PIK3R4: variants seen among roughly 807,000 people sequenced by gnomAD.
The protein encoded by PIK3R4 is phosphoinositide 3-kinase regulatory subunit 4.
A neutral mutation model predicts 136.5 loss-of-function variants in PIK3R4; 46 were observed. The ratio of observed to expected loss-of-function variants is 0.34; its 90% CI spans 0.27 to 0.43. The LOEUF (loss-of-function observed/expected upper bound fraction) is 0.43. Ranked by LOEUF, PIK3R4 falls within the 20% of genes least tolerant of loss-of-function variation. PIK3R4 has a pLI of 1.00. For synonymous variants in PIK3R4, 557 were observed against 566.7 expected (o/e 0.98, Z 0.24); for missense variants, 1,331 against 1,649.5 (o/e 0.81, Z 3.35).
At chr3:130,717,853 A>C (rs1406981762) in intron 8 of PIK3R4, among the ~76,000 whole-genome samples, 1 of 152,224 alleles carries the variant, frequency 6.6e-6, no homozygotes, top group Non-Finnish European at 1.5e-5. Flanking sequence ...TAAACACTGA[A>C]AATCTAGGTG....
chr3:130,716,131 C>T (rs918728867), intron 9 of PIK3R4, among the ~76,000 whole-genome samples: 2 of 152,138 alleles, frequency 1.3e-5, no homozygotes, highest in Non-Finnish European at 2.9e-5. Flanking sequence ...CTGTCTTTCC[C>T]TCATTTATTT....
At position 130,712,126 on chromosome 3, in the gene PIK3R4, C is replaced by T. The variant is rs77345776; in HGVS notation, c.2332-3634G>A. Among the ~76,000 whole-genome samples, 1,284 of 152,218 alleles carry T rather than the reference C, an allele frequency of 8.4e-3. 20 individuals are homozygous for T. Among genetic ancestry groups the T allele is most frequent in the East Asian group, 0.053 (272 of 5,176 alleles). On this transcript the variant is annotated intron_variant, in intron 9 of 19. Transcript: ENST00000356763. The stretch of plus-strand genomic sequence containing the variant: ...AAATCTGGAGTACAGATTCCAACTC[C>T]CATATGGGTAACGTTCCAAAAGTGT...
rs777858040 is a variant in PIK3R4, at chr3:130,684,255, A to G, written c.3602T>C (p.Ile1201Thr). The change falls in exon 16 of 20, where the codon ATT becomes ACT. Residue 1201 changes from isoleucine to threonine, a missense_variant. Coordinates refer to ENST00000356763, the MANE Select transcript of PIK3R4 (RefSeq NM_014602.3). Reference protein sequence around the residue: ...SMHPLYQSWVIAAVQGNNEVS... With the variant: ...SMHPLYQSWVTAAVQGNNEVS... ...AAGCCAGCCCTCCATCTTACCTGCAATCACCCAGGACTGATACAGAGGGTG... is the reference window on the plus strand; with the variant it reads ...AAGCCAGCCCTCCATCTTACCTGCAGTCACCCAGGACTGATACAGAGGGTG... 72 of 1,611,188 alleles carry G rather than the reference A, an allele frequency of 4.5e-5. 2 individuals are homozygous for G. In the South Asian group the frequency reaches 5.7e-4, roughly 13 times the overall value.
chr3:130,723,063 A>G (rs1233889673), intron 7 of PIK3R4, among the ~76,000 whole-genome samples: 31 of 48,470 alleles, frequency 6.4e-4, no homozygotes, highest in African/African-American at 3.8e-3. Flanking sequence ...AGACTGTCGC[A>G]AAAAAAAAAA....
chr3:130,724,337 A>G (rs953726379), intron 6 of PIK3R4, among the ~76,000 whole-genome samples: 2 of 152,180 alleles, frequency 1.3e-5, no homozygotes, highest in Non-Finnish European at 2.9e-5. Context: ...TAGAAGAGGG[A>G]GTAAAGTAGA....
chr3:130,696,348 G>A (rs2066546467), intron 13 of PIK3R4, among the ~76,000 whole-genome samples: 2 of 151,350 alleles, frequency 1.3e-5, no homozygotes, highest in South Asian at 2.1e-4. Flanking sequence ...TAAGGTTAGG[G>A]TTAAATTACT....
chr3:130,711,842 G>T (rs527934006), intron 9 of PIK3R4, among the ~76,000 whole-genome samples: 3 of 152,204 alleles, frequency 2.0e-5, no homozygotes, highest in Admixed American at 2.0e-4. Flanking sequence ...GGAGGGCAGG[G>T]ATTAGATAAA....
At chr3:130,737,278 G>GT (rs2066791445) in intron 2 of PIK3R4, among the ~76,000 whole-genome samples, 1 of 152,046 alleles carries the variant, frequency 6.6e-6, no homozygotes, top group South Asian at 2.1e-4. Flanking sequence ...TTTCCTTACT[G>GT]TTTTTCCCCC....
At chr3:130,723,858 A>G in intron 6 of PIK3R4, 1 of 280,482 alleles carries the variant, frequency 3.6e-6, no homozygotes, top group Non-Finnish European at 6.6e-6. Flanking sequence ...ATCAGACTGT[A>G]ATTATATAAT....
At position 130,684,384 on chromosome 3, in the gene PIK3R4, TAAAG is replaced by T. The variant is rs760573486; in HGVS notation, c.3476-7_3476-4del. On this transcript the variant is annotated splice_region_variant and splice_polypyrimidine_tract_variant and intron_variant, in intron 15 of 19. Transcript: ENST00000356763. ...AGCCATGGTACCACTGCTTGTACCT[TAAAG>T]AAAAAAGGAAAAAAAGATTACCATC... 59 of 1,611,066 alleles carry T rather than the reference TAAAG, an allele frequency of 3.7e-5. 1 individual carries two copies. The highest frequency in any genetic ancestry group is 1.9e-5 in the Non-Finnish European group (22 of 1,178,484).
intron 6 of PIK3R4, among the ~76,000 whole-genome samples, chr3:130,726,407 C>A (rs2066732479): frequency 6.6e-6 from 1 of 152,050 alleles, no homozygotes; most frequent in Admixed American, 6.6e-5. Flanking sequence ...ACCAGTAAGA[C>A]AGGCACTATT....
chr3:130,734,306 C>T (rs542376528), intron 3 of PIK3R4, among the ~76,000 whole-genome samples, 176 bp from the exon 4 acceptor site: 1 of 152,258 alleles, frequency 6.6e-6, no homozygotes, highest in African/African-American at 2.4e-5. Flanking sequence ...AAATATATTA[C>T]AGATGGCCCT....
At chr3:130,741,646 CT>C (rs2066824445) in intron 2 of PIK3R4, among the ~76,000 whole-genome samples, 1 of 152,062 alleles carries the variant, frequency 6.6e-6, no homozygotes. Context: ...AAGTAGTGCC[CT>C]ACCAGCCTTT....
At chr3:130,700,889 C>T (rs192331463) in intron 13 of PIK3R4, among the ~76,000 whole-genome samples, 52 of 152,278 alleles carry the variant, frequency 3.4e-4, no homozygotes, top group African/African-American at 7.7e-4. Flanking sequence ...TGGCCACAAA[C>T]GAGAGCAGGT....
chr3:130,732,021 CT>C lies in PIK3R4; in HGVS notation c.1450+1526del, dbSNP rs1444326870. Among the ~76,000 whole-genome samples, 20 of 152,214 alleles carry C rather than the reference CT, an allele frequency of 1.3e-4. No homozygotes were observed. The South Asian group carries it at 4.1e-3, about 32-fold the overall frequency. ...ACAATGCAAGGTGCTGGCACTGACC[CT>C]GGGTTATCACGGACTCTCACCATAA... On this transcript the variant is annotated intron_variant, in intron 4 of 19. Coordinates refer to ENST00000356763, the MANE Select transcript of PIK3R4 (RefSeq NM_014602.3).
intron 8 of PIK3R4, 113 bp from the exon 9 acceptor site, chr3:130,716,712 G>T: frequency 1.5e-6 from 1 of 668,230 alleles, no homozygotes; most frequent in Non-Finnish European, 2.5e-6. Context: ...AAGAAAATAA[G>T]ATATCAACAT....
intron 9 of PIK3R4, among the ~76,000 whole-genome samples, chr3:130,715,122 T>TTTA (rs2066656305): frequency 1.9e-5 from 2 of 104,474 alleles, no homozygotes; most frequent in Middle Eastern, 4.2e-3. Context: ...TTTTCCCGAC[T>TTTA]TTTTTTTTTT....
chr3:130,725,363 G>GA (rs1001452681), intron 6 of PIK3R4, among the ~76,000 whole-genome samples: 15 of 149,120 alleles, frequency 1.0e-4, no homozygotes, highest in African/African-American at 2.7e-4. Flanking sequence ...AAACCAGTAA[G>GA]AAAAAAAACA....
intron 2 of PIK3R4, among the ~76,000 whole-genome samples, chr3:130,737,387 C>T (rs917867242): frequency 6.6e-6 from 1 of 152,096 alleles, no homozygotes; most frequent in African/African-American, 2.4e-5. Flanking sequence ...AAATATTGAA[C>T]GGTGGCTCAT....
Sources: allele counts gnomAD v4.1 joint callset (sites outside exome capture counted in the v4.1 genomes callset), GRCh38; gene constraint gnomAD v4.1.1; transcripts MANE v1.5; gene names NCBI Gene and HGNC (gene_info 2026-07-23, HGNC 2026-07-21).